PTPRD: variants seen among roughly 807,000 people sequenced by gnomAD.
The protein encoded by PTPRD is protein tyrosine phosphatase receptor type D.
In PTPRD, 34 loss-of-function variants were observed where a neutral mutation model predicts 214.5. That is an observed-to-expected ratio of 0.16 (90% CI 0.12 to 0.21). The LOEUF (loss-of-function observed/expected upper bound fraction) is 0.21. Ranked by LOEUF, PTPRD falls within the 10% of genes least tolerant of loss-of-function variation. The pLI is 1.00. For missense variants in PTPRD, 2,545 were observed against 2,398.7 expected (o/e 1.06, Z -1.27); for synonymous variants, 1,128 against 845.7 (o/e 1.33, Z -5.79).
Position 9,852,612 on chromosome 9 carries a change from A to G in PTPRD, c.-367-85761T>C, listed in dbSNP as rs1018599516. 7.9e-5 allele frequency among the ~76,000 whole-genome samples: 12 copies of G among 152,080 alleles called. 1 individual carries two copies. Among genetic ancestry groups the G allele is most frequent in the African/African-American group, 2.4e-4 (10 of 41,426 alleles). ...ATCACTCCCTCATATAGATTTGATA[A>G]TTTTCATATAATCCTTTATATTGTC... is the stretch of plus-strand genomic sequence containing the variant. On this transcript the variant is annotated intron_variant, in intron 5 of 45. Transcript: ENST00000381196.
intron 3 of PTPRD, among the ~76,000 whole-genome samples, chr9:10,083,280 C>T (rs2098273046): frequency 6.6e-6 from 1 of 151,926 alleles, no homozygotes; most frequent in South Asian, 2.1e-4. Flanking sequence ...ATTCGGTCTC[C>T]ATTTGGATTA....
chr9:8,320,313 C>T (rs752934737), intron 44 of PTPRD, among the ~76,000 whole-genome samples: 2 of 152,002 alleles, frequency 1.3e-5, no homozygotes, highest in Non-Finnish European at 2.9e-5. Context: ...TACAACCTGC[C>T]TACTTAATAT....
At chr9:9,907,982 A>G (rs2078075122) in intron 5 of PTPRD, among the ~76,000 whole-genome samples, 2 of 151,936 alleles carry the variant, frequency 1.3e-5, no homozygotes, top group African/African-American at 4.8e-5. Context: ...CATGTACCTG[A>G]CCTATAGCAT....
At chr9:9,696,606 G>C (rs2097378843) in intron 7 of PTPRD, among the ~76,000 whole-genome samples, 1 of 152,022 alleles carries the variant, frequency 6.6e-6, no homozygotes, top group Non-Finnish European at 1.5e-5. Context: ...TATGTTATCT[G>C]ATTTAAATAT....
chr9:9,101,789 A>C (rs912939966), intron 10 of PTPRD, among the ~76,000 whole-genome samples: 2 of 152,210 alleles, frequency 1.3e-5, no homozygotes, highest in Admixed American at 1.3e-4. Flanking sequence ...TTTTTACTTT[A>C]AGAAAAGATG....
chr9:8,707,719 A>G (rs980966075), intron 12 of PTPRD, among the ~76,000 whole-genome samples: 1 of 152,200 alleles, frequency 6.6e-6, no homozygotes, highest in African/African-American at 2.4e-5. Flanking sequence ...GTCTCCTACT[A>G]TTGGGTTTAA....
chr9:10,119,470 G>T (rs1282901405), intron 3 of PTPRD, among the ~76,000 whole-genome samples: 4 of 151,850 alleles, frequency 2.6e-5, no homozygotes, highest in Admixed American at 6.6e-5. Context: ...TGTTTAAAAC[G>T]GTTCTAGTAG....
At chr9:9,743,767 C>T (rs1015726982) in intron 6 of PTPRD, among the ~76,000 whole-genome samples, 1 of 146,732 alleles carries the variant, frequency 6.8e-6, no homozygotes, top group African/African-American at 2.7e-5. Context: ...CACACACACA[C>T]ACAATTTATA....
intron 11 of PTPRD, among the ~76,000 whole-genome samples, chr9:8,779,452 G>C (rs1257442761): frequency 6.6e-6 from 1 of 152,052 alleles, no homozygotes; most frequent in African/African-American, 2.4e-5. Flanking sequence ...CTAATGTGTC[G>C]TCCCGGGGTT....
intron 12 of PTPRD, among the ~76,000 whole-genome samples, chr9:8,660,258 A>T (rs1468194793): frequency 6.6e-6 from 1 of 151,462 alleles, no homozygotes; most frequent in African/African-American, 2.5e-5. Context: ...AAGCAATAAT[A>T]GCCATACACG....
chr9:9,167,658 G>C (rs960539569), intron 10 of PTPRD, among the ~76,000 whole-genome samples: 1 of 151,972 alleles, frequency 6.6e-6, no homozygotes, highest in Non-Finnish European at 1.5e-5. Flanking sequence ...GAGAGGCTGA[G>C]GCACAAGAAT....
chr9:9,070,622 G>A (rs1439099357), intron 10 of PTPRD, among the ~76,000 whole-genome samples: 1 of 152,032 alleles, frequency 6.6e-6, no homozygotes, highest in Non-Finnish European at 1.5e-5. Flanking sequence ...TAAAATAAAA[G>A]CAATAAGCAC....
rs1271089769 is a variant in PTPRD, at chr9:10,387,983, G to C, written c.-599-46966C>G. 2.0e-5 allele frequency among the ~76,000 whole-genome samples: 3 copies of C among 151,256 alleles called. No individual in the cohort carries two copies. In the Admixed American group the frequency reaches 2.0e-4, roughly 10 times the overall value. On this transcript the variant is annotated intron_variant, in intron 2 of 45. Transcript: ENST00000381196. The stretch of plus-strand genomic sequence containing the variant: ...GCAATTTTGTCTTCTTTTTAGAGTT[G>C]TCTCAAGCATTGATCTTAAATTCTC...
At position 9,012,391 on chromosome 9, in the gene PTPRD, G is replaced by C. The variant is rs77678403; in HGVS notation, c.-104+6306C>G. ...ACAATCATAGAACACTAACAAACCT[G>C]CCCAATACGTACTTAGTTAATAAAC... On this transcript the variant is annotated intron_variant, in intron 11 of 45. Transcript: ENST00000381196. 5.1e-3 allele frequency among the ~76,000 whole-genome samples: 781 copies of C among 152,226 alleles called. 14 individuals carry two copies. The highest frequency in any genetic ancestry group is 0.018 in the African/African-American group (754 of 41,538).
At chr9:10,256,236 T>A (rs1413770211) in intron 3 of PTPRD, among the ~76,000 whole-genome samples, 1 of 152,186 alleles carries the variant, frequency 6.6e-6, no homozygotes, top group Non-Finnish European at 1.5e-5. Context: ...GCTGCTGGCC[T>A]AGACCTCTAC....
chr9:9,650,535 C>G (rs538956918), intron 7 of PTPRD, among the ~76,000 whole-genome samples: 1 of 152,074 alleles, frequency 6.6e-6, no homozygotes, highest in East Asian at 1.9e-4. Context: ...TTTGTTGTAT[C>G]TTTGGCAGGT....
intron 9 of PTPRD, among the ~76,000 whole-genome samples, chr9:9,184,698 T>C (rs1446149095): frequency 6.6e-6 from 1 of 152,108 alleles, no homozygotes; most frequent in African/African-American, 2.4e-5. Flanking sequence ...TTGTAAACTA[T>C]GGTACCCCGT....
At chr9:8,821,935 T>C (rs968274544) in intron 11 of PTPRD, among the ~76,000 whole-genome samples, 1 of 152,186 alleles carries the variant, frequency 6.6e-6, no homozygotes, top group African/African-American at 2.4e-5. Context: ...AGCACTGGGA[T>C]TACAGGCGTG....
At chr9:10,343,940 T>A (rs973920250) in intron 2 of PTPRD, among the ~76,000 whole-genome samples, 1 of 150,576 alleles carries the variant, frequency 6.6e-6, no homozygotes, top group African/African-American at 2.4e-5. Context: ...GCAAAATTTT[T>A]CTCCCATTCT....
Sources: allele counts gnomAD v4.1 joint callset (sites outside exome capture counted in the v4.1 genomes callset), GRCh38; gene constraint gnomAD v4.1.1; transcripts MANE v1.5; gene names NCBI Gene and HGNC (gene_info 2026-07-23, HGNC 2026-07-21).